Variants in SYN3 observed in about 807,000 individuals in gnomAD.
SYN3 encodes synapsin III.
A neutral mutation model predicts 65.8 loss-of-function variants in SYN3; 35 were observed. The ratio of observed to expected loss-of-function variants is 0.53; its 90% CI spans 0.41 to 0.70. The LOEUF is 0.70. Ranked by LOEUF, SYN3 falls within the 30% of genes least tolerant of loss-of-function variation. SYN3 has a pLI of 0.00. For missense variants in SYN3, 680 were observed against 749.0 expected (o/e 0.91, Z 1.08); for synonymous variants, 270 against 292.9 (o/e 0.92, Z 0.80).
intron 6 of SYN3, among the ~76,000 whole-genome samples, chr22:32,731,208 GAA>G (rs1453961359): frequency 4.6e-5 from 7 of 152,176 alleles, no homozygotes; most frequent in African/African-American, 1.7e-4. Flanking sequence ...CCACGCAGGG[GAA>G]AGAGTCTTGG....
intron 3 of SYN3, among the ~76,000 whole-genome samples, chr22:32,941,836 G>A (rs1038348088): frequency 6.6e-6 from 1 of 152,190 alleles, no homozygotes; most frequent in Non-Finnish European, 1.5e-5. Flanking sequence ...CACGCCCACG[G>A]AGCCTCGCTC....
At chr22:32,636,401 CA>C (rs57388108) in intron 6 of SYN3, among the ~76,000 whole-genome samples, 21,379 of 101,456 alleles carry the variant, frequency 0.21, 1,868 homozygotes, top group South Asian at 0.42. Flanking sequence ...GACTCCATCT[CA>C]AAAAAAAAAA....
rs1001875312 is a variant in SYN3 at position 32,998,852 on chromosome 22, A to T, written c.311+7500T>A. 2.6e-5 allele frequency among the ~76,000 whole-genome samples: 4 copies of T among 151,104 alleles called. No homozygotes were observed. In the Admixed American group the frequency reaches 2.6e-4, roughly 10 times the overall value. ...AAACAATTTCAAATAGCAGCCTTAC[A>T]GTGACTCTGGCATCCTGGTAAGTAA... On this transcript the variant is annotated intron_variant, in intron 2 of 13. Transcript: ENST00000358763.
chr22:32,752,202 C>G (rs1004039322), intron 6 of SYN3, among the ~76,000 whole-genome samples: 1 of 152,220 alleles, frequency 6.6e-6, no homozygotes, highest in East Asian at 1.9e-4. Flanking sequence ...AAGCTGGGAA[C>G]AGCAGCCATC....
chr22:32,890,717 C>T (rs2049422107), intron 4 of SYN3, among the ~76,000 whole-genome samples: 1 of 152,058 alleles, frequency 6.6e-6, no homozygotes, highest in Non-Finnish European at 1.5e-5. Flanking sequence ...TCACACGCCA[C>T]TTCTTCTTTT....
chr22:32,641,028 C>A (rs2059889904), intron 6 of SYN3, among the ~76,000 whole-genome samples: 1 of 152,230 alleles, frequency 6.6e-6, no homozygotes, highest in Non-Finnish European at 1.5e-5. Flanking sequence ...TCGCCCAGGT[C>A]TCTGCCTCTG....
intron 6 of SYN3, among the ~76,000 whole-genome samples, chr22:32,707,208 C>G (rs1461900384): frequency 6.6e-6 from 1 of 152,184 alleles, no homozygotes; most frequent in Non-Finnish European, 1.5e-5. Flanking sequence ...CCCAGACTAT[C>G]ACAAATGATG....
At chr22:32,754,245 G>A (rs11914041) in intron 6 of SYN3, among the ~76,000 whole-genome samples, 5,487 of 152,060 alleles carry the variant, frequency 0.036, 325 homozygotes, top group African/African-American at 0.12. Context: ...TCTGCCTCCC[G>A]GGTTCAAGCG....
intron 6 of SYN3, among the ~76,000 whole-genome samples, chr22:32,607,878 G>T (rs904875792): frequency 6.6e-6 from 1 of 152,206 alleles, no homozygotes; most frequent in African/African-American, 2.4e-5. Context: ...CTGTGGCTCT[G>T]GGGAGGGTCT....
chr22:32,788,796 C>G (rs905895769), intron 6 of SYN3, among the ~76,000 whole-genome samples: 4 of 152,220 alleles, frequency 2.6e-5, no homozygotes, highest in South Asian at 2.1e-4. Flanking sequence ...TATTGTTTAT[C>G]ATGACTTGGC....
intron 6 of SYN3, among the ~76,000 whole-genome samples, chr22:32,604,686 T>C (rs1286628407): frequency 6.6e-6 from 1 of 152,158 alleles, no homozygotes; most frequent in Non-Finnish European, 1.5e-5. Context: ...GAGTTCTCTT[T>C]TCCTAGCTCT....
chr22:32,667,834 G>C (rs1239915318), intron 6 of SYN3, among the ~76,000 whole-genome samples: 1 of 132,338 alleles, frequency 7.6e-6, no homozygotes, highest in Admixed American at 7.8e-5. Flanking sequence ...GTGTCGCTCT[G>C]TCGCCCAGGC....
chr22:32,657,278 C>T (rs1054045329), intron 6 of SYN3, among the ~76,000 whole-genome samples: 1 of 152,176 alleles, frequency 6.6e-6, no homozygotes, highest in Non-Finnish European at 1.5e-5. Flanking sequence ...CACCTGCCAC[C>T]TCACCCGGCT....
rs1295926719 is a variant in SYN3 at position 32,509,574 on chromosome 22, TTA to T, written c.*4116_*4117del. Among the ~76,000 whole-genome samples the T allele has an allele frequency of 2.0e-5, 3 of 151,870 alleles. No homozygotes were observed. The highest frequency in any genetic ancestry group is 4.4e-5 in the Non-Finnish European group (3 of 67,972). Reference sequence around the variant, plus strand: ...AATGGGGAAAGTATTATTATTATTATTATTATTATTTTGAGACAGAGTCTCAC... The same window carrying T: ...AATGGGGAAAGTATTATTATTATTATTTATTATTTTGAGACAGAGTCTCAC... On this transcript the variant is annotated 3_prime_UTR_variant, in exon 14 of 14. Transcript: ENST00000358763.
chr22:32,732,564 G>A (rs893051864), intron 6 of SYN3, among the ~76,000 whole-genome samples: 4 of 152,188 alleles, frequency 2.6e-5, no homozygotes, highest in African/African-American at 9.7e-5. Flanking sequence ...CAACTCCACT[G>A]CTTCCCAGCT....
At chr22:33,036,752 C>T (rs1172601714) in intron 1 of SYN3, among the ~76,000 whole-genome samples, 3 of 146,466 alleles carry the variant, frequency 2.0e-5, no homozygotes, top group African/African-American at 5.1e-5. Flanking sequence ...AGGGCAATGC[C>T]GCGATCTCGG....
chr22:33,008,152 G>C (rs2053245618), intron 1 of SYN3, among the ~76,000 whole-genome samples: 1 of 152,118 alleles, frequency 6.6e-6, no homozygotes, highest in Non-Finnish European at 1.5e-5. Flanking sequence ...GGCCATGCTG[G>C]TCTCAAACTC....
At chr22:32,768,605 A>T (rs2045687034) in intron 6 of SYN3, among the ~76,000 whole-genome samples, 1 of 151,870 alleles carries the variant, frequency 6.6e-6, no homozygotes, top group African/African-American at 2.4e-5. Context: ...GTTCAAAACA[A>T]ATCTTGCCTT....
At chr22:32,547,456 C>T (rs578201075) in intron 7 of SYN3, among the ~76,000 whole-genome samples, 27 of 152,264 alleles carry the variant, frequency 1.8e-4, no homozygotes, top group Non-Finnish European at 3.1e-4. Flanking sequence ...TTCTTCTTCT[C>T]CTTCTCATTT....
Sources: gnomAD v4.1 joint callset for allele counts (sites outside exome capture counted in the v4.1 genomes callset) on GRCh38, gnomAD v4.1.1 for gene constraint, MANE v1.5 for transcripts, NCBI Gene and HGNC (gene_info 2026-07-23, HGNC 2026-07-21) for gene names.